Variants in SLC75A1 observed in about 807,000 individuals in gnomAD.
SLC75A1 encodes solute carrier family 75 member 1, also known as major facilitator superfamily domain containing 10.
At chr4:2,932,387 G>C in the SLC75A1 span, 2 of 1,613,484 alleles carry the variant, frequency 1.2e-6, no homozygotes, top group Non-Finnish European at 1.7e-6. Flanking sequence ...GCAGGAAGCA[G>C]AAGATGAACA....
chr4:2,933,739 G>C, the SLC75A1 span: 1 of 1,604,562 alleles, frequency 6.2e-7, no homozygotes. Context: ...GTGGGCCGCA[G>C]GGCAAGGACT....
At chr4:2,933,970 T>G in the SLC75A1 span, 1 of 1,528,150 alleles carries the variant, frequency 6.5e-7, no homozygotes, top group Non-Finnish European at 8.8e-7. Flanking sequence ...CGGGTCGGGT[T>G]AGCGGGGAAG....
the SLC75A1 span, chr4:2,933,551 A>G: frequency 1.9e-6 from 3 of 1,613,432 alleles, no homozygotes; most frequent in Non-Finnish European, 2.5e-6. Context: ...CGCCAAGGGC[A>G]CAGAGCCAGC....
chr4:2,932,370 GTC>G, the SLC75A1 span: 2 of 1,613,376 alleles, frequency 1.2e-6, no homozygotes, highest in Non-Finnish European at 1.7e-6. Flanking sequence ...CAGGGGCAGC[GTC>G]TCTGGCAGGA....
the SLC75A1 span, chr4:2,932,242 A>T: frequency 1.3e-6 from 2 of 1,546,924 alleles, no homozygotes; most frequent in Admixed American, 3.9e-5. Flanking sequence ...ACACCAAGAG[A>T]GCGGCCCAGC....
chr4:2,932,213 T>C, the SLC75A1 span: 1 of 1,557,046 alleles, frequency 6.4e-7, no homozygotes, highest in Non-Finnish European at 8.7e-7. Flanking sequence ...ACCCACGGAC[T>C]GTGGCCTCAA....
chr4:2,931,807 C>T, the SLC75A1 span: 21 of 1,581,330 alleles, frequency 1.3e-5, no homozygotes, highest in African/African-American at 4.0e-5. Flanking sequence ...AGCAGGCCGT[C>T]GCCAGATGGG....
At chr4:2,931,796 C>T in the SLC75A1 span, 1 of 1,568,264 alleles carries the variant, frequency 6.4e-7, no homozygotes, top group Non-Finnish European at 8.7e-7. Flanking sequence ...TTCAGGGAGA[C>T]AGCAGGCCGT....
At chr4:2,933,195 C>A in the SLC75A1 span, 1 of 1,613,514 alleles carries the variant, frequency 6.2e-7, no homozygotes, top group Non-Finnish European at 8.5e-7. Flanking sequence ...ACAGAGAATG[C>A]CGAGCCAATG....
At chr4:2,933,932 G>A in the SLC75A1 span, 19 of 1,556,398 alleles carry the variant, frequency 1.2e-5, no homozygotes, top group East Asian at 4.3e-4. Flanking sequence ...ATGGTGGGCT[G>A]CTCTGACCTG....
chr4:2,933,028 T>C, the SLC75A1 span: 1 of 1,416,524 alleles, frequency 7.1e-7, no homozygotes, highest in Non-Finnish European at 9.8e-7. Flanking sequence ...GCCACCTCCC[T>C]CTCCCCACCT....
At chr4:2,931,310 A>AG in the SLC75A1 span, 39 of 1,548,012 alleles carry the variant, frequency 2.5e-5, no homozygotes, top group Admixed American at 7.5e-4. Flanking sequence ...CCGTCAGCCC[A>AG]GGGGAGGGTG....
chr4:2,932,245 G>A, the SLC75A1 span: 74 of 1,547,312 alleles, frequency 4.8e-5, no homozygotes, highest in South Asian at 2.9e-4. Flanking sequence ...CCAAGAGAGC[G>A]GCCCAGCCTC....
chr4:2,931,533 C>A, the SLC75A1 span: 1 of 1,605,250 alleles, frequency 6.2e-7, no homozygotes, highest in Non-Finnish European at 8.5e-7. Flanking sequence ...GCCTGCCACC[C>A]GCTTTGGAGG....
chr4:2,932,847 C>G, the SLC75A1 span: 1 of 1,457,766 alleles, frequency 6.9e-7, no homozygotes. Context: ...GACAACACCC[C>G]TCAACCCTGC....
At chr4:2,930,796 C>G in the SLC75A1 span, 6 of 1,605,362 alleles carry the variant, frequency 3.7e-6, no homozygotes, top group Admixed American at 1.0e-4. Context: ...GACCTAGGCT[C>G]CCACTCTGCC....
chr4:2,933,821 C>G, the SLC75A1 span: 8 of 1,590,212 alleles, frequency 5.0e-6, no homozygotes, highest in African/African-American at 1.3e-5. Context: ...GCCAGGAGGT[C>G]CAGCAGGAGG....
chr4:2,932,708 C>T, the SLC75A1 span: 10 of 1,602,134 alleles, frequency 6.2e-6, no homozygotes, highest in Middle Eastern at 1.7e-4. Flanking sequence ...CCAGGAAGGC[C>T]GCAAAGCTCC....
chr4:2,933,689 G>A, the SLC75A1 span: 107 of 1,612,588 alleles, frequency 6.6e-5, no homozygotes, highest in Non-Finnish European at 8.8e-5. Context: ...TCACGATAAG[G>A]GCTGGGGAGG....
Sources: gnomAD v4.1 joint callset for allele counts on GRCh38, gnomAD v4.1.1 for gene constraint, MANE v1.5 for transcripts, NCBI Gene and HGNC (gene_info 2026-07-23, HGNC 2026-07-21) for gene names.